RNF150: variants seen among roughly 807,000 people sequenced by gnomAD.
RNF150 encodes the protein ring finger protein 150.
A neutral mutation model predicts 39.3 loss-of-function variants in RNF150; 24 were observed. The ratio of observed to expected loss-of-function variants is 0.61; its 90% CI spans 0.44 to 0.86. The LOEUF (loss-of-function observed/expected upper bound fraction) is 0.86, where lower values mean the gene tolerates loss of function less well. Ranked by LOEUF, RNF150 falls within the 40% of genes least tolerant of loss-of-function variation. The probability of loss-of-function intolerance (pLI) is 0.00; values close to 1 mark genes in which losing one functional copy is unlikely to be tolerated. For missense variants in RNF150, 502 were observed against 587.8 expected, an observed-to-expected ratio of 0.85 and a Z score of 1.51; for synonymous variants, 255 against 227.3, an observed-to-expected ratio of 1.12 and a Z score of -1.10.
intron 1 of RNF150, among the ~76,000 whole-genome samples, chr4:141,041,472 C>T (rs568834435): frequency 2.9e-4 from 44 of 152,048 alleles, no homozygotes; most frequent in Non-Finnish European, 6.0e-4. Flanking sequence ...AAATCATCTC[C>T]TTACTTAAAT....
intron 1 of RNF150, among the ~76,000 whole-genome samples, chr4:140,985,834 C>G (rs2111466989): frequency 6.6e-6 from 1 of 151,632 alleles, no homozygotes; most frequent in South Asian, 2.1e-4. Context: ...AAAATGTGGC[C>G]ACCTAAAAAT....
intron 5 of RNF150, among the ~76,000 whole-genome samples, chr4:140,924,124 A>T: frequency 2.0e-5 from 3 of 152,132 alleles, no homozygotes; most frequent in Middle Eastern, 3.4e-3. Flanking sequence ...AGTATAATTA[A>T]AAAAAAATCT....
intron 1 of RNF150, among the ~76,000 whole-genome samples, chr4:141,150,211 C>A (rs1016379500): frequency 2.0e-5 from 3 of 152,088 alleles, no homozygotes; most frequent in African/African-American, 7.2e-5. Flanking sequence ...CAATTGGTAC[C>A]ATATTCATAT....
intron 4 of RNF150, among the ~76,000 whole-genome samples, chr4:140,927,038 C>T (rs780578250): frequency 1.1e-4 from 16 of 152,312 alleles, no homozygotes; most frequent in Non-Finnish European, 2.1e-4. Flanking sequence ...CTCACTTGCA[C>T]CTCCTTTTGT....
chr4:141,141,388 T>C (rs1188970281), intron 1 of RNF150, among the ~76,000 whole-genome samples: 1 of 152,216 alleles, frequency 6.6e-6, no homozygotes, highest in African/African-American at 2.4e-5. Context: ...TTGACTCTAT[T>C]GGAGTCTACA....
At chr4:140,885,467 G>C (rs1282460932) in intron 6 of RNF150, among the ~76,000 whole-genome samples, 2 of 62,348 alleles carry the variant, frequency 3.2e-5, no homozygotes, top group Non-Finnish European at 6.2e-5. Context: ...ACGGAGTTTT[G>C]CTCTTGTTGC....
chr4:141,110,607 C>T (rs571770260), intron 1 of RNF150, among the ~76,000 whole-genome samples: 3 of 138,998 alleles, frequency 2.2e-5, no homozygotes, highest in Admixed American at 6.8e-5. Context: ...AGGAAGGGGT[C>T]TTGCTATGTT....
At chr4:140,947,497 A>G (rs535664370) in intron 4 of RNF150, among the ~76,000 whole-genome samples, 157 bp downstream of exon 4, 12 of 152,324 alleles carry the variant, frequency 7.9e-5, no homozygotes, top group African/African-American at 2.2e-4. Flanking sequence ...AAGGTTATAC[A>G]AAAACAAGAA....
At chr4:141,136,692 A>T (rs1727032300), upstream of RNF150, among the ~76,000 whole-genome samples, 1 of 152,226 alleles carries the variant, frequency 6.6e-6, no homozygotes, top group South Asian at 2.1e-4. Context: ...TTGGTGTTAC[A>T]GGCACTGGGC....
chr4:141,134,522 G>A (rs759152331), upstream of RNF150, among the ~76,000 whole-genome samples: 8 of 152,110 alleles, frequency 5.3e-5, no homozygotes, highest in Non-Finnish European at 8.8e-5. Context: ...ACAGCTCTTC[G>A]TTAATGAACG....
At chr4:141,179,696 T>C (rs371711380) in intron 1 of RNF150, among the ~76,000 whole-genome samples, 2 of 152,320 alleles carry the variant, frequency 1.3e-5, no homozygotes, top group Admixed American at 1.3e-4. Flanking sequence ...GCAATAGATA[T>C]CAGCCCAGAG....
At chr4:141,076,856 T>C (rs183015668) in intron 1 of RNF150, among the ~76,000 whole-genome samples, 19 of 152,188 alleles carry the variant, frequency 1.2e-4, no homozygotes, top group Non-Finnish European at 2.9e-5. Flanking sequence ...TATATTCCTA[T>C]GCTAGTGAAG....
intron 4 of RNF150, among the ~76,000 whole-genome samples, chr4:140,945,762 A>G (rs553330807): frequency 6.6e-6 from 1 of 151,768 alleles, no homozygotes; most frequent in Admixed American, 6.6e-5. Flanking sequence ...CTTAATTTAC[A>G]TTTGTAAATG....
At chr4:140,922,129 C>G (rs1285846762) in intron 5 of RNF150, among the ~76,000 whole-genome samples, 1 of 151,840 alleles carries the variant, frequency 6.6e-6, no homozygotes, top group Admixed American at 6.6e-5. Context: ...GGCATTCAGG[C>G]AGGAGAAGGA....
chr4:140,945,700 T>C (rs1456772243), intron 4 of RNF150, among the ~76,000 whole-genome samples: 2 of 150,896 alleles, frequency 1.3e-5, no homozygotes. Flanking sequence ...TTATACTGTA[T>C]CAATTGTAGA....
At chr4:140,934,397 A>C (rs973852425) in intron 4 of RNF150, among the ~76,000 whole-genome samples, 1 of 152,214 alleles carries the variant, frequency 6.6e-6, no homozygotes, top group African/African-American at 2.4e-5. Flanking sequence ...CTGTAGTTAT[A>C]AACATAATAA....
chr4:141,043,792 A>G (rs1736459380), intron 1 of RNF150, among the ~76,000 whole-genome samples: 1 of 152,080 alleles, frequency 6.6e-6, no homozygotes, highest in Non-Finnish European at 1.5e-5. Flanking sequence ...TAATCCTACA[A>G]GAGAAAATTT....
At chr4:141,087,706 A>T (rs1474818234) in intron 1 of RNF150, among the ~76,000 whole-genome samples, 1 of 152,212 alleles carries the variant, frequency 6.6e-6, no homozygotes, top group Non-Finnish European at 1.5e-5. Flanking sequence ...ATAGCCCTTG[A>T]TTAATTTTTT....
At chr4:140,941,026 C>G (rs1489011341) in intron 4 of RNF150, among the ~76,000 whole-genome samples, 1 of 151,910 alleles carries the variant, frequency 6.6e-6, no homozygotes, top group Non-Finnish European at 1.5e-5. Flanking sequence ...CTTAAAGTGA[C>G]TGGAAGATTC....
Sources: allele counts gnomAD v4.1 joint callset (sites outside exome capture counted in the v4.1 genomes callset), GRCh38; gene constraint gnomAD v4.1.1; transcripts MANE v1.5; gene names NCBI Gene and HGNC (gene_info 2026-07-23, HGNC 2026-07-21).